The following KCNQ3 variants were observed in gnomAD, a reference collection of about 807,000 sequenced individuals.
KCNQ3 encodes potassium voltage-gated channel subfamily Q member 3.
Under a neutral mutation model 92.5 loss-of-function variants are expected in KCNQ3, and 30 were observed. The ratio of observed to expected loss-of-function variants is 0.32; its 90% confidence interval spans 0.24 to 0.44. KCNQ3 has a LOEUF of 0.44. KCNQ3 is among the 20% of genes least tolerant of loss of function. The pLI is 1.00. For missense variants in KCNQ3, 913 were observed against 1,140.3 expected, an observed-to-expected ratio of 0.80 and a Z score of 2.87; for synonymous variants, 450 against 468.8, an observed-to-expected ratio of 0.96 and a Z score of 0.52.
chr8:132,331,980 C>T (rs909840776), intron 1 of KCNQ3, among the ~76,000 whole-genome samples: 2 of 152,214 alleles, frequency 1.3e-5, no homozygotes, highest in Non-Finnish European at 2.9e-5. Context: ...TGCCTCCTGA[C>T]AGTCACACCC....
chr8:132,142,532 C>T (rs976241210), intron 9 of KCNQ3, among the ~76,000 whole-genome samples: 4 of 152,142 alleles, frequency 2.6e-5, no homozygotes, highest in African/African-American at 7.2e-5. Context: ...CTAGTGAGCA[C>T]GAAGGATAAA....
chr8:132,339,409 T>A (rs1288435511), intron 1 of KCNQ3, among the ~76,000 whole-genome samples: 1 of 152,186 alleles, frequency 6.6e-6, no homozygotes, highest in Non-Finnish European at 1.5e-5. Context: ...CAATTCCAAA[T>A]GCCTAGGAAT....
At chr8:132,212,396 C>T (rs1032991575) in intron 1 of KCNQ3, among the ~76,000 whole-genome samples, 6 of 152,048 alleles carry the variant, frequency 3.9e-5, no homozygotes, top group African/African-American at 1.2e-4. Context: ...TGGAATACCA[C>T]CTTTCTTCCA....
intron 1 of KCNQ3, among the ~76,000 whole-genome samples, chr8:132,369,086 T>C (rs1819402320): frequency 6.6e-6 from 1 of 152,208 alleles, no homozygotes; most frequent in Non-Finnish European, 1.5e-5. Flanking sequence ...TTTGGGTTTG[T>C]ACGGTGTTCT....
intron 1 of KCNQ3, among the ~76,000 whole-genome samples, chr8:132,455,137 G>A (rs974823136): frequency 2.0e-5 from 3 of 152,120 alleles, no homozygotes; most frequent in African/African-American, 7.2e-5. Context: ...TTTTTTTTAA[G>A]ACAGAGTCTC....
At chr8:132,407,686 C>T (rs966999809) in intron 1 of KCNQ3, among the ~76,000 whole-genome samples, 5 of 152,240 alleles carry the variant, frequency 3.3e-5, no homozygotes, top group Non-Finnish European at 7.3e-5. Context: ...TTCACCATCA[C>T]TACAGTATTT....
chr8:132,383,470 G>A (rs1056166890), intron 1 of KCNQ3, among the ~76,000 whole-genome samples: 1 of 152,176 alleles, frequency 6.6e-6, no homozygotes, highest in African/African-American at 2.4e-5. Flanking sequence ...CTGCAACAGG[G>A]GCCATGAAGC....
intron 1 of KCNQ3, among the ~76,000 whole-genome samples, chr8:132,256,172 A>G (rs893277723): frequency 7.2e-5 from 11 of 152,144 alleles, no homozygotes; most frequent in Non-Finnish European, 1.2e-4. Context: ...ATTGACAAAG[A>G]CAGAATCTAT....
chr8:132,464,865 T>G (rs1436396242), intron 1 of KCNQ3, among the ~76,000 whole-genome samples: 1 of 152,234 alleles, frequency 6.6e-6, no homozygotes, highest in Non-Finnish European at 1.5e-5. Flanking sequence ...CTCTTTCTCC[T>G]ATTCCTAGCC....
Position 132,129,552 on chromosome 8 carries a change from G to A in KCNQ3, c.2329C>T (p.Arg777Trp), listed in dbSNP as rs776128068. The change falls in exon 15 of 15, where the codon CGG (arginine) becomes TGG (tryptophan). Residue 777 changes from arginine to tryptophan, a missense_variant. This residue lies in a region of KCNQ3 where 375 missense variants were observed against 376.4 expected (regional missense o/e 1.00). Coordinates refer to ENST00000388996, the MANE Select transcript of KCNQ3 (RefSeq NM_004519.4). The surrounding 1 kb of genome is among the most constrained non-coding windows in gnomAD (Gnocchi z 5.9). ...TCTCGCGTGATGCTACGTCTCTGCC[G>A]GGGGGAGATTCGGTCCGAGTAGGGG... is the stretch of plus-strand genomic sequence containing the variant. ...QGPYSDRISP[R>W]QRRSITRDSD... The A allele has an allele frequency of 7.4e-6, 12 of 1,614,122 alleles. No individual in the cohort carries two copies. The highest frequency in any genetic ancestry group is 2.7e-5 in the African/African-American group (2 of 75,040).
At chr8:132,153,337 C>T (rs1825694691) in intron 9 of KCNQ3, among the ~76,000 whole-genome samples, 1 of 152,146 alleles carries the variant, frequency 6.6e-6, no homozygotes, top group Admixed American at 6.5e-5. Flanking sequence ...TTTTCTCTGC[C>T]TGTATGTGTC....
chr8:132,435,013 A>G (rs1821354584), intron 1 of KCNQ3, among the ~76,000 whole-genome samples: 1 of 152,196 alleles, frequency 6.6e-6, no homozygotes, highest in Non-Finnish European at 1.5e-5. Context: ...GAAAGGATTC[A>G]TTCATTCTAT....
intron 1 of KCNQ3, among the ~76,000 whole-genome samples, chr8:132,356,862 G>A (rs1249924794): frequency 6.6e-6 from 1 of 152,202 alleles, no homozygotes; most frequent in Non-Finnish European, 1.5e-5. Flanking sequence ...AACAGAGAGT[G>A]ACGACTACAT....
intron 1 of KCNQ3, among the ~76,000 whole-genome samples, chr8:132,285,930 C>G (rs541774803): frequency 1.3e-5 from 2 of 152,288 alleles, no homozygotes; most frequent in Non-Finnish European, 2.9e-5. Flanking sequence ...CCAGTGGCCC[C>G]AGGTGTGGCT....
chr8:132,158,956 T>C (rs1168454748), intron 9 of KCNQ3, among the ~76,000 whole-genome samples: 2 of 152,176 alleles, frequency 1.3e-5, no homozygotes, highest in African/African-American at 2.4e-5. Context: ...GAGGAGAAGA[T>C]TCCTGAAGGC....
intron 12 of KCNQ3, among the ~76,000 whole-genome samples, chr8:132,135,094 C>A (rs1242947956): frequency 1.3e-5 from 2 of 152,178 alleles, no homozygotes; most frequent in African/African-American, 4.8e-5. Flanking sequence ...CCACCTTACC[C>A]CAGAACCTGT....
At chr8:132,369,278 A>G (rs963936286) in intron 1 of KCNQ3, among the ~76,000 whole-genome samples, 1 of 152,026 alleles carries the variant, frequency 6.6e-6, no homozygotes, top group African/African-American at 2.4e-5. Context: ...TTCCTTCTTT[A>G]CATACTGTAC....
intron 1 of KCNQ3, among the ~76,000 whole-genome samples, chr8:132,240,628 A>G (rs1033341335): frequency 6.6e-6 from 1 of 152,216 alleles, no homozygotes; most frequent in African/African-American, 2.4e-5. Context: ...ACAAGAAGCC[A>G]ACGGGGCTTT....
At chr8:132,234,741 C>G (rs1814756758) in intron 1 of KCNQ3, among the ~76,000 whole-genome samples, 1 of 152,130 alleles carries the variant, frequency 6.6e-6, no homozygotes, top group Non-Finnish European at 1.5e-5. Context: ...AAGTGGTAGA[C>G]AGAAAGGGAA....
Sources: allele counts gnomAD v4.1 joint callset (sites outside exome capture counted in the v4.1 genomes callset), GRCh38; gene constraint gnomAD v4.1.1; regional missense constraint gnomAD v4.1.1; non-coding constraint Gnocchi (gnomAD v3.1); transcripts MANE v1.5; gene names NCBI Gene and HGNC (gene_info 2026-07-23, HGNC 2026-07-21).